Variants in SFI1 observed in about 807,000 individuals in gnomAD.
SFI1 encodes the protein SFI1 centrin binding protein, also known as protein SFI1 homolog.
A neutral mutation model predicts 207.5 loss-of-function variants in SFI1; 195 were observed. The ratio of observed to expected loss-of-function variants is 0.94; its 90% CI spans 0.84 to 1.06. The LOEUF is 1.06. Among genes scored for constraint, SFI1 ranks in the 50% least tolerant of loss-of-function variants. The probability of loss-of-function intolerance (pLI) is 0.00; values close to 1 mark genes in which losing one functional copy is unlikely to be tolerated. For missense variants in SFI1, 1,634 were observed against 1,588.0 expected, an observed-to-expected ratio of 1.03 and a Z score of -0.49; for synonymous variants, 630 against 598.9, an observed-to-expected ratio of 1.05 and a Z score of -0.76.
At position 31,546,923 on chromosome 22, in the gene SFI1, T is replaced by A; in HGVS notation, c.401T>A (p.Val134Asp). The A allele has an allele frequency of 6.2e-7, 1 of 1,611,656 alleles. No individual in the cohort carries two copies. Among genetic ancestry groups the A allele is most frequent in the Non-Finnish European group, 8.5e-7 (1 of 1,179,044 alleles). The change falls in exon 5 of 33, where the codon GTT becomes GAT. Residue 134 changes from valine to aspartate, a missense_variant. By Grantham distance (152) the Val-to-Asp change is radical. Coordinates refer to ENST00000400288, the MANE Select transcript of SFI1 (RefSeq NM_001007467.3). Reference protein sequence around the residue: ...VFEEWKEEWWVFQHEWKLCVR... With the variant: ...VFEEWKEEWWDFQHEWKLCVR... ...GAAGAATGGAAAGAGGAGTGGTGGG[T>A]TTTCCAGCACGAGTGGAAACTCTGT... is the stretch of plus-strand genomic sequence containing the variant.
At chr22:31,547,357 C>G (rs1162509400) in intron 5 of SFI1, among the ~76,000 whole-genome samples, 2 of 152,210 alleles carry the variant, frequency 1.3e-5, no homozygotes, top group Non-Finnish European at 2.9e-5. Context: ...GTTGCCCAAG[C>G]TGGAGTGCAG....
At chr22:31,514,817 G>A (rs1223407347) in intron 2 of SFI1, among the ~76,000 whole-genome samples, 4 of 151,240 alleles carry the variant, frequency 2.6e-5, no homozygotes, top group Non-Finnish European at 5.9e-5. Context: ...CTGTCGCCAG[G>A]CTGGAGTGCA....
chr22:31,618,375 C>T lies in SFI1; in HGVS notation c.3686C>T (p.Ala1229Val), dbSNP rs1569477317. 2 of 1,605,662 alleles carry T rather than the reference C, an allele frequency of 1.2e-6. No homozygotes were observed. The highest frequency in any genetic ancestry group is 3.3e-5 in the Admixed American group (2 of 59,788). ...ELQAQRQPIG[A>V]CVARIQALRQ... The stretch of plus-strand genomic sequence containing the variant: ...CAGGCTCAGCGCCAGCCCATTGGCG[C>T]CTGCGTTGCCCGCATCCAGGCCCTG... Residue 1229 changes from alanine to valine, a missense_variant, in exon 33 of 33, where the codon GCC becomes GTC. Transcript: ENST00000400288.
At position 31,531,112 on chromosome 22, in the gene SFI1, A is replaced by G. The variant is rs1364656879; in HGVS notation, c.321A>G (p.Val107=). The G allele has an allele frequency of 3.7e-6, 6 of 1,613,228 alleles. No individual in the cohort carries two copies. In the African/African-American group the frequency reaches 5.3e-5, roughly 14 times the overall value. The change falls in exon 4 of 33, where the codon GTA becomes GTG. Residue 107 remains valine, a synonymous_variant. Transcript: ENST00000400288. ...GGATTCGAATGACTTTTGGAAGAGT[A>G]TTTCCCTCTAAAGCCAGGTAGTATT... ...YLWIRMTFGR[V]FPSKARFYYE...
At chr22:31,560,762 C>T (rs556586953) in intron 7 of SFI1, among the ~76,000 whole-genome samples, 5 of 149,886 alleles carry the variant, frequency 3.3e-5, no homozygotes, top group Admixed American at 6.7e-5. Context: ...AGTGCAGTGG[C>T]GTGATCTCAG....
intron 8 of SFI1, among the ~76,000 whole-genome samples, chr22:31,564,304 G>A (rs2145548691): frequency 6.8e-6 from 1 of 147,972 alleles, no homozygotes; most frequent in South Asian, 2.2e-4. Flanking sequence ...TCCAGCCTGG[G>A]CGACAGAGCA....
chr22:31,510,467 C>T (rs2055331994), intron 2 of SFI1, among the ~76,000 whole-genome samples: 1 of 152,020 alleles, frequency 6.6e-6, no homozygotes. Flanking sequence ...GAGTCTCACT[C>T]TTGTCACCCA....
At chr22:31,532,219 G>T (rs1435471154) in intron 4 of SFI1, among the ~76,000 whole-genome samples, 1 of 152,304 alleles carries the variant, frequency 6.6e-6, no homozygotes, top group Non-Finnish European at 1.5e-5. Flanking sequence ...ATCAAGTGCA[G>T]AACCTGGGGG....
At chr22:31,600,897 A>G (rs2067991067) in intron 15 of SFI1, among the ~76,000 whole-genome samples, 1 of 152,252 alleles carries the variant, frequency 6.6e-6, no homozygotes, top group South Asian at 2.1e-4. Context: ...TGTTCTGACT[A>G]GAAGTGGAAT....
chr22:31,551,391 C>T (rs1753980627), intron 6 of SFI1, among the ~76,000 whole-genome samples: 1 of 152,104 alleles, frequency 6.6e-6, no homozygotes, highest in African/African-American at 2.4e-5. Flanking sequence ...CCTTGATCTC[C>T]CCCAGCCCAG....
chr22:31,618,515 C>T lies in SFI1; in HGVS notation c.*97C>T. The T allele has an allele frequency of 1.6e-6, 2 of 1,224,874 alleles. No individual in the cohort carries two copies. Among genetic ancestry groups the T allele is most frequent in the Non-Finnish European group, 2.2e-6 (2 of 927,782 alleles). The allele number at this position is 1,224,874 out of a possible 1,614,324, so 75.9% of individuals were successfully genotyped here. ...GTTTTAAGTTTGATTTTTTTTATTT[C>T]AAAATGCTTTGCAATTAAATGAATT... On this transcript the variant is annotated 3_prime_UTR_variant, in exon 33 of 33. Transcript: ENST00000400288.
At chr22:31,597,743 T>TA (rs1204807096) in intron 15 of SFI1, among the ~76,000 whole-genome samples, 1 of 152,226 alleles carries the variant, frequency 6.6e-6, no homozygotes, top group African/African-American at 2.4e-5. Context: ...TTTAGCAAAT[T>TA]AAAGTTCCAA....
rs112593207 is a variant in SFI1 at position 31,571,987 on chromosome 22, A to G, written c.766-1071A>G. 1.0e-2 allele frequency among the ~76,000 whole-genome samples: 1,516 copies of G among 152,178 alleles called. 15 individuals carry two copies. Among genetic ancestry groups the G allele is most frequent in the Non-Finnish European group, 0.011 (772 of 68,010 alleles). Reference sequence around the variant, plus strand: ...AGAGAGTGAAAACTGATGATTCGTAAGAGGGGAACTGCCAAGGCAGTAAAC... The same window carrying G: ...AGAGAGTGAAAACTGATGATTCGTAGGAGGGGAACTGCCAAGGCAGTAAAC... On this transcript the variant is annotated intron_variant, in intron 8 of 32. Transcript: ENST00000400288.
At position 31,582,206 on chromosome 22, in the gene SFI1, T is replaced by TATATATATATATA. The variant is rs1569376507; in HGVS notation, c.1249-1669_1249-1668insATATATATATATA. Among the ~76,000 whole-genome samples, 97 of 36,592 alleles carry TATATATATATATA rather than the reference T, an allele frequency of 2.7e-3. 11 individuals carry two copies. The highest frequency in any genetic ancestry group is 0.015 in the South Asian group (10 of 678). 24.0% of individuals were successfully genotyped at this position (36,592 alleles called of 152,430 possible). ...CCCAACAACACTTCTTTATTACATT[T>TATATATATATATA]TATATATATATATATATATATATAT... On this transcript the variant is annotated intron_variant, in intron 12 of 32. Coordinates refer to ENST00000400288, the MANE Select transcript of SFI1 (RefSeq NM_001007467.3).
chr22:31,587,452 G>A (rs1185318697), intron 14 of SFI1: 3 of 180,394 alleles, frequency 1.7e-5, no homozygotes, highest in Non-Finnish European at 3.7e-5. Flanking sequence ...ACAGGTGCAA[G>A]CCACCACGCC....
rs142264089 is a variant in SFI1, at chr22:31,552,176, C to T, written c.544+1828C>T. Among the ~76,000 whole-genome samples the T allele has an allele frequency of 1.1e-3, 164 of 152,248 alleles. 1 individual carries two copies. The highest frequency in any genetic ancestry group is 2.0e-3 in the Non-Finnish European group (138 of 68,022). On this transcript the variant is annotated intron_variant, in intron 6 of 32. Coordinates refer to ENST00000400288, the MANE Select transcript of SFI1 (RefSeq NM_001007467.3). ...TTAGTTCACTTAGGATAATGGCCTC[C>T]AGCTCCATCCATGTTGGTGCAAAGG...
intron 8 of SFI1, among the ~76,000 whole-genome samples, chr22:31,569,390 T>G (rs1426699116): frequency 6.6e-6 from 1 of 152,064 alleles, no homozygotes; most frequent in Non-Finnish European, 1.5e-5. Context: ...GCCTAAAAAA[T>G]TGAACATGAC....
Position 31,554,393 on chromosome 22 carries a change from C to A in SFI1, c.545-2549C>A, listed in dbSNP as rs556443730. 7.2e-5 allele frequency among the ~76,000 whole-genome samples: 11 copies of A among 152,196 alleles called. No individual in the cohort carries two copies. In the South Asian group the frequency reaches 2.3e-3, roughly 32 times the overall value. ...GCACGATCTCGGCTCACCGCAAGCT[C>A]CACCTCCCGGATTCACGCCATTCTC... On this transcript the variant is annotated intron_variant, in intron 6 of 32. Transcript: ENST00000400288.
intron 6 of SFI1, among the ~76,000 whole-genome samples, chr22:31,556,473 C>T (rs1014716845): frequency 9.9e-5 from 15 of 152,162 alleles, no homozygotes; most frequent in Non-Finnish European, 1.8e-4. Context: ...CTGCCCATCT[C>T]GGCCTTCCAA....
Sources: gnomAD v4.1 joint callset for allele counts (sites outside exome capture counted in the v4.1 genomes callset) on GRCh38, gnomAD v4.1.1 for gene constraint, MANE v1.5 for transcripts, NCBI Gene and HGNC (gene_info 2026-07-23, HGNC 2026-07-21) for gene names.